Variants in STXBP6 observed in about 807,000 individuals in gnomAD.
STXBP6 encodes the protein syntaxin-binding protein 6.
A neutral mutation model predicts 26.9 loss-of-function variants in STXBP6; 21 were observed. That is an observed-to-expected ratio of 0.78 (90% CI 0.55 to 1.12). STXBP6 has a LOEUF of 1.12. Ranked by LOEUF, STXBP6 falls within the 50% of genes most tolerant of loss-of-function variation. STXBP6 has a pLI of 0.00. For missense variants in STXBP6, 232 were observed against 257.9 expected (o/e 0.90, Z 0.69); for synonymous variants, 97 against 92.6 (o/e 1.05, Z -0.27).
chr14:24,969,285 G>A (rs1034632757), intron 2 of STXBP6, among the ~76,000 whole-genome samples: 1 of 152,208 alleles, frequency 6.6e-6, no homozygotes, highest in Non-Finnish European at 1.5e-5. Context: ...CTCTGGGGAT[G>A]AGTAGCAGCC....
intron 1 of STXBP6, among the ~76,000 whole-genome samples, chr14:24,982,034 A>G (rs2074206842): frequency 6.6e-6 from 1 of 152,200 alleles, no homozygotes. Flanking sequence ...GTTTGCCAAA[A>G]CGTTAATATG....
chr14:25,025,944 ATAGCTTTACTC>A (rs765583040), intron 1 of STXBP6, among the ~76,000 whole-genome samples: 1 of 152,180 alleles, frequency 6.6e-6, no homozygotes, highest in Non-Finnish European at 1.5e-5. Context: ...TGCCCTTTCC[ATAGCTTTACTC>A]TTCAAAGACC....
intron 2 of STXBP6, among the ~76,000 whole-genome samples, chr14:24,968,294 G>A (rs983853193): frequency 1.3e-5 from 2 of 151,238 alleles, no homozygotes; most frequent in African/African-American, 4.9e-5. Flanking sequence ...AAAAACTCTT[G>A]AAAAGTCAAC....
chr14:24,824,711 TA>T (rs901668470), intron 4 of STXBP6, among the ~76,000 whole-genome samples: 19 of 152,314 alleles, frequency 1.2e-4, no homozygotes, highest in Non-Finnish European at 2.5e-4. Context: ...AAATTCTGGT[TA>T]AATCAAGCCT....
chr14:24,969,287 G>A (rs142760595), intron 2 of STXBP6, among the ~76,000 whole-genome samples: 93 of 152,296 alleles, frequency 6.1e-4, no homozygotes, highest in African/African-American at 1.9e-3. Flanking sequence ...CTGGGGATGA[G>A]TAGCAGCCAA....
At chr14:24,926,923 G>A (rs2072194315) in intron 2 of STXBP6, among the ~76,000 whole-genome samples, 1 of 149,564 alleles carries the variant, frequency 6.7e-6, no homozygotes, top group Non-Finnish European at 1.5e-5. Context: ...CTAAGTGTCA[G>A]CTCCTGCTGC....
At chr14:25,023,248 T>C (rs2140432810) in intron 1 of STXBP6, among the ~76,000 whole-genome samples, 1 of 151,974 alleles carries the variant, frequency 6.6e-6, no homozygotes, top group East Asian at 1.9e-4. Flanking sequence ...TTACTATAAA[T>C]GTATCATGAT....
chr14:24,924,576 T>C (rs540699834), intron 2 of STXBP6, among the ~76,000 whole-genome samples: 1 of 152,340 alleles, frequency 6.6e-6, no homozygotes, highest in South Asian at 2.1e-4. Context: ...TTCTTATTCA[T>C]TAAGAATAAG....
In STXBP6 at chr14:24,898,519, A is replaced by C. The variant is rs182456528; in HGVS notation, c.155-41362T>G. Among the ~76,000 whole-genome samples, 402 of 152,292 alleles carry C rather than the reference A, an allele frequency of 2.6e-3. 1 individual carries two copies. Among genetic ancestry groups the C allele is most frequent in the Non-Finnish European group, 4.8e-3 (328 of 68,020 alleles). Reference sequence around the variant, plus strand: ...TGGTGGAACCCCATCTCTACTAAAAATACAAAAACTAGCTGGGCGTGGTGG... The same window carrying C: ...TGGTGGAACCCCATCTCTACTAAAACTACAAAAACTAGCTGGGCGTGGTGG... On this transcript the variant is annotated intron_variant, in intron 2 of 5. Transcript: ENST00000323944.
At chr14:25,014,169 C>G (rs929123100) in intron 1 of STXBP6, among the ~76,000 whole-genome samples, 2 of 152,156 alleles carry the variant, frequency 1.3e-5, no homozygotes, top group African/African-American at 4.8e-5. Flanking sequence ...CTCTTGTACT[C>G]CTGTGTACGT....
At chr14:24,940,599 A>G (rs1303449689) in intron 2 of STXBP6, among the ~76,000 whole-genome samples, 1 of 152,192 alleles carries the variant, frequency 6.6e-6, no homozygotes, top group Non-Finnish European at 1.5e-5. Context: ...TTATGCTGGT[A>G]TGTGTCAGAG....
intron 2 of STXBP6, among the ~76,000 whole-genome samples, chr14:24,862,583 T>C (rs2069578544): frequency 6.6e-6 from 1 of 152,162 alleles, no homozygotes; most frequent in South Asian, 2.1e-4. Context: ...ACTAGTTCCT[T>C]AGTATCACTA....
chr14:24,820,987 G>A (rs778020978), intron 4 of STXBP6, among the ~76,000 whole-genome samples: 8 of 152,194 alleles, frequency 5.3e-5, no homozygotes, highest in African/African-American at 9.7e-5. Context: ...ACGCCTGACC[G>A]TTTCTGTCCT....
chr14:25,004,341 G>A (rs146295976), intron 1 of STXBP6, among the ~76,000 whole-genome samples: 7 of 152,234 alleles, frequency 4.6e-5, no homozygotes, highest in Non-Finnish European at 8.8e-5. Context: ...GGCCCAGTTC[G>A]ATGGAATTCA....
intron 2 of STXBP6, among the ~76,000 whole-genome samples, chr14:24,936,638 C>T (rs1157637366): frequency 6.6e-6 from 1 of 152,134 alleles, no homozygotes; most frequent in Non-Finnish European, 1.5e-5. Flanking sequence ...GAGGAATTGC[C>T]ACACCGTCTT....
At chr14:25,029,089 G>C (rs72682976) in intron 1 of STXBP6, among the ~76,000 whole-genome samples, 20,841 of 152,136 alleles carry the variant, frequency 0.14, 1,666 homozygotes, top group East Asian at 0.31. Context: ...CGACAACAAA[G>C]GACTTAGAAT....
At chr14:25,016,699 G>C (rs1334231389) in intron 1 of STXBP6, among the ~76,000 whole-genome samples, 2 of 152,116 alleles carry the variant, frequency 1.3e-5, no homozygotes, top group Non-Finnish European at 2.9e-5. Context: ...CCTGGTTTGT[G>C]AACTTACTAA....
chr14:25,034,899 C>T (rs1050068728), intron 1 of STXBP6, among the ~76,000 whole-genome samples: 9 of 152,072 alleles, frequency 5.9e-5, no homozygotes, highest in Non-Finnish European at 8.8e-5. Context: ...ACCTATAATC[C>T]CAGCACTTTG....
chr14:24,870,674 A>G (rs1175922954), intron 2 of STXBP6, among the ~76,000 whole-genome samples: 1 of 152,136 alleles, frequency 6.6e-6, no homozygotes, highest in Non-Finnish European at 1.5e-5. Flanking sequence ...ATTTGCTTAT[A>G]TTTTCTATTC....
Sources: gnomAD v4.1 joint callset for allele counts (sites outside exome capture counted in the v4.1 genomes callset) on GRCh38, gnomAD v4.1.1 for gene constraint, MANE v1.5 for transcripts, NCBI Gene and HGNC (gene_info 2026-07-23, HGNC 2026-07-21) for gene names.